The following ZNF827 variants were observed in gnomAD, a reference collection of about 807,000 sequenced individuals.
ZNF827 encodes zinc finger protein 827.
In ZNF827, 13 loss-of-function variants were observed where a neutral mutation model predicts 102.4. That is an observed-to-expected ratio of 0.13 (90% CI 0.08 to 0.20). The LOEUF (loss-of-function observed/expected upper bound fraction) is 0.20. Ranked by LOEUF, ZNF827 falls within the 10% of genes least tolerant of loss-of-function variation. The pLI is 1.00. For synonymous variants in ZNF827, 523 were observed against 536.2 expected (o/e 0.98, Z 0.34); for missense variants, 1,103 against 1,344.4 (o/e 0.82, Z 2.81).
In ZNF827 at chr4:145,760,286, C is replaced by A. The variant is rs1423977708; in HGVS notation, c.*1330G>T. The A allele has an allele frequency of 6.6e-6, 1 of 152,226 alleles. No individual in the cohort carries two copies. Among genetic ancestry groups the A allele is most frequent in the African/African-American group, 2.4e-5 (1 of 41,426 alleles). 9.4% of individuals were successfully genotyped at this position (152,226 alleles called of 1,614,324 possible). On this transcript the variant is annotated 3_prime_UTR_variant, in exon 15 of 15. Transcript: ENST00000508784. ...TTCATCGCTGTTAAAGAAGCCAGTACAAAGAATGTGCAATAGAAATGTCAT... is the reference window on the plus strand; with the variant it reads ...TTCATCGCTGTTAAAGAAGCCAGTAAAAAGAATGTGCAATAGAAATGTCAT...
intron 1 of ZNF827, among the ~76,000 whole-genome samples, chr4:145,917,708 AAAAAAAAAAAAAAAAAAAG>A (rs1333150038): frequency 1.4e-5 from 2 of 144,250 alleles, no homozygotes; most frequent in African/African-American, 2.6e-5. Flanking sequence ...GTCAAAAAAA[AAAAAAAAAAAAAAAAAAAG>A]AAAAGAAAAA....
chr4:145,895,017 A>G (rs1193934366), intron 2 of ZNF827, among the ~76,000 whole-genome samples: 1 of 152,206 alleles, frequency 6.6e-6, no homozygotes. Context: ...TTGGGGTTGT[A>G]AGAACATCAA....
chr4:145,812,755 T>C lies in ZNF827; in HGVS notation c.2383+10667A>G, dbSNP rs150710883. 2.3e-3 allele frequency among the ~76,000 whole-genome samples: 345 copies of C among 152,250 alleles called. 1 individual carries two copies. The highest frequency in any genetic ancestry group is 8.0e-3 in the African/African-American group (331 of 41,542). ...ATTGGTCAGGCTGGTCTCAAACTCC[T>C]GACCTCAGGTGATCCATCCTCCTCG... On this transcript the variant is annotated intron_variant, in intron 8 of 14. Transcript: ENST00000508784.
At chr4:145,848,671 G>A (rs922483726) in intron 6 of ZNF827, among the ~76,000 whole-genome samples, 13 of 152,224 alleles carry the variant, frequency 8.5e-5, no homozygotes, top group African/African-American at 2.6e-4. Flanking sequence ...AATGCTATGC[G>A]GCTTGAAAGA....
At chr4:145,846,101 ATCTC>A in intron 6 of ZNF827, 88 bp from the exon 7 acceptor site, 1 of 1,238,208 alleles carries the variant, frequency 8.1e-7, no homozygotes, top group Non-Finnish European at 1.2e-6. Flanking sequence ...AACCCTCAAC[ATCTC>A]TCTTTTTCCT....
intron 7 of ZNF827, 112 bp downstream of exon 7, chr4:145,845,844 G>A: frequency 9.7e-7 from 1 of 1,031,394 alleles, no homozygotes; most frequent in South Asian, 1.4e-5. Flanking sequence ...TAAAGGGTGT[G>A]ACTCCTTTGA....
At position 145,885,610 on chromosome 4, in the gene ZNF827, CAGAGAGAGAGAGAGAG is replaced by C. The variant is rs200461563; in HGVS notation, c.1747+52_1747+67del. 1,871 of 1,174,568 alleles carry C rather than the reference CAGAGAGAGAGAGAGAG, an allele frequency of 1.6e-3. 5 individuals are homozygous for C. The highest frequency in any genetic ancestry group is 0.011 in the African/African-American group (649 of 57,092). The allele number at this position is 1,174,568 out of a possible 1,614,324, so 72.8% of individuals were successfully genotyped here. A position where few individuals can be genotyped will look rare whatever the true frequency, so the allele number is the denominator to read the frequency against. On this transcript the variant is annotated intron_variant, in intron 4 of 14. Transcript: ENST00000508784. ...AAATAAGAATACTGGTAGACAGAGA[CAGAGAGAGAGAGAGAG>C]AGAGAGAGAGAGAGAGAGAGAGAGA... is the stretch of plus-strand genomic sequence containing the variant.
Position 145,902,137 on chromosome 4 carries a change from C to T in ZNF827, c.1093+29G>A, listed in dbSNP as rs1232729338. The stretch of plus-strand genomic sequence containing the variant: ...CGCAGTTTATAGTCTAAAGGACTTA[C>T]ACGATGATTGAAAGAAAAGATGCCA... On this transcript the variant is annotated intron_variant, in intron 2 of 14. Coordinates refer to ENST00000508784, the MANE Select transcript of ZNF827 (RefSeq NM_001306215.2). This position sits in a 1 kb window ranked among gnomAD's most constrained non-coding sequence, Gnocchi z 4.3. The T allele has an allele frequency of 6.4e-7, 1 of 1,558,088 alleles. No individual in the cohort carries two copies. Among genetic ancestry groups the T allele is most frequent in the Non-Finnish European group, 8.6e-7 (1 of 1,157,974 alleles).
intron 8 of ZNF827, among the ~76,000 whole-genome samples, chr4:145,806,300 C>G (rs1433126543): frequency 6.6e-6 from 1 of 151,016 alleles, no homozygotes; most frequent in Non-Finnish European, 1.5e-5. Flanking sequence ...CACAGGCACA[C>G]TCCACCACGC....
chr4:145,874,385 TGC>T, intron 4 of ZNF827, among the ~76,000 whole-genome samples: 1 of 152,248 alleles, frequency 6.6e-6, no homozygotes, highest in Admixed American at 6.5e-5. Flanking sequence ...ATCACTCATT[TGC>T]CCAAGTTTTA....
intron 7 of ZNF827, among the ~76,000 whole-genome samples, chr4:145,843,711 C>T (rs1014679401): frequency 7.2e-5 from 11 of 152,216 alleles, no homozygotes; most frequent in Non-Finnish European, 1.3e-4. Flanking sequence ...GCACCTACCC[C>T]GGAGTTTGCG....
At chr4:145,826,815 T>C (rs1743730267) in intron 7 of ZNF827, among the ~76,000 whole-genome samples, 1 of 152,096 alleles carries the variant, frequency 6.6e-6, no homozygotes. Context: ...GGCGCAATCT[T>C]GGCTCACTGC....
intron 1 of ZNF827, among the ~76,000 whole-genome samples, chr4:145,925,861 G>A (rs932575725): frequency 3.9e-5 from 6 of 152,114 alleles, no homozygotes; most frequent in South Asian, 4.1e-4. Flanking sequence ...CACCCCCAAC[G>A]GGTGGTTGAA....
chr4:145,902,428 G>A lies in ZNF827; in HGVS notation c.831C>T (p.Ser277=). Residue 277 remains serine, a synonymous_variant, in exon 2 of 15, where the codon TCC becomes TCT. Coordinates refer to ENST00000508784, the MANE Select transcript of ZNF827 (RefSeq NM_001306215.2). The surrounding 1 kb of genome is among the most constrained non-coding windows in gnomAD (Gnocchi z 4.3). Reference sequence around the variant, plus strand: ...AGGTCATAGAAGCCAGGGAAAGGAAGGAGCTGGCCGGTGGAGGGTGCTCCT... The same window carrying A: ...AGGTCATAGAAGCCAGGGAAAGGAAAGAGCTGGCCGGTGGAGGGTGCTCCT... ...PGQEHPPPAS[S]FLSLASMTSS... is the part of the protein sequence containing the mutation. The A allele has an allele frequency of 1.2e-6, 2 of 1,614,206 alleles. No homozygotes were observed. The highest frequency in any genetic ancestry group is 1.7e-6 in the Non-Finnish European group (2 of 1,180,044).
intron 8 of ZNF827, among the ~76,000 whole-genome samples, chr4:145,781,194 T>G (rs1737940716): frequency 1.5e-4 from 2 of 13,138 alleles, no homozygotes; most frequent in African/African-American, 3.8e-4. Context: ...AGACACCATC[T>G]CAAAAAAAAA....
rs1441210920 is a variant in ZNF827, at chr4:145,757,644, T to G, written c.*3972A>C. On this transcript the variant is annotated 3_prime_UTR_variant, in exon 15 of 15. Transcript: ENST00000508784. ...AACAAGAGTATAGCCAACCTTTTTT[T>G]TTTTTTAATTAGAGTATATTATACT... The G allele has an allele frequency of 6.6e-6, 1 of 152,118 alleles. No homozygotes were observed. Among genetic ancestry groups the G allele is most frequent in the Non-Finnish European group, 1.5e-5 (1 of 67,978 alleles). The allele number at this position is 152,118 out of a possible 1,614,324, so 9.4% of individuals were successfully genotyped here.
chr4:145,899,790 G>T (rs959082036), intron 2 of ZNF827, among the ~76,000 whole-genome samples: 1 of 152,184 alleles, frequency 6.6e-6, no homozygotes, highest in African/African-American at 2.4e-5. Context: ...GGGAGAGTTG[G>T]GGTGGGGAGG....
chr4:145,764,837 TA>T, intron 13 of ZNF827, 150 bp downstream of exon 13: 1 of 1,013,286 alleles, frequency 9.9e-7, no homozygotes, highest in South Asian at 1.4e-5. Context: ...TCAATCCAGC[TA>T]AAGGCAGCAG....
chr4:145,867,090 A>T (rs571508134), intron 5 of ZNF827, among the ~76,000 whole-genome samples: 43 of 152,242 alleles, frequency 2.8e-4, no homozygotes, highest in Non-Finnish European at 5.4e-4. Context: ...TTAGCAAAAA[A>T]GTCTGATTAT....
Sources: allele counts gnomAD v4.1 joint callset (sites outside exome capture counted in the v4.1 genomes callset), GRCh38; gene constraint gnomAD v4.1.1; non-coding constraint Gnocchi (gnomAD v3.1); transcripts MANE v1.5; gene names NCBI Gene and HGNC (gene_info 2026-07-23, HGNC 2026-07-21).